The following NLGN1 variants were observed in gnomAD, a reference collection of about 807,000 sequenced individuals.
The protein encoded by NLGN1 is neuroligin 1.
Under a neutral mutation model 65.5 loss-of-function variants are expected in NLGN1, and 12 were observed. The ratio of observed to expected loss-of-function variants is 0.18; its 90% confidence interval spans 0.12 to 0.30. The LOEUF is 0.30. NLGN1 is among the 10% of genes least tolerant of loss of function. NLGN1 has a pLI of 1.00. For synonymous variants in NLGN1, 350 were observed against 359.5 expected (o/e 0.97, Z 0.30); for missense variants, 750 against 1,007.1 (o/e 0.74, Z 3.46).
At chr3:173,721,952 A>AG (rs1277884399) in intron 3 of NLGN1, among the ~76,000 whole-genome samples, 1 of 151,254 alleles carries the variant, frequency 6.6e-6, no homozygotes, top group Non-Finnish European at 1.5e-5. Context: ...TAAAAAAAAA[A>AG]AGGGACCCCA....
chr3:173,761,381 G>A (rs532193440), intron 3 of NLGN1, among the ~76,000 whole-genome samples: 1 of 152,096 alleles, frequency 6.6e-6, no homozygotes, highest in South Asian at 2.1e-4. Flanking sequence ...GATTAGATAA[G>A]CTGCGTTTAG....
chr3:173,666,335 G>A (rs1005366337), intron 3 of NLGN1, among the ~76,000 whole-genome samples: 2 of 152,002 alleles, frequency 1.3e-5, no homozygotes, highest in African/African-American at 4.8e-5. Context: ...GGATACAATC[G>A]ATGTAATTCT....
At chr3:173,447,246 G>T (rs557988899) in intron 2 of NLGN1, among the ~76,000 whole-genome samples, 1 of 152,256 alleles carries the variant, frequency 6.6e-6, no homozygotes, top group East Asian at 1.9e-4. Context: ...TTTGTATAAG[G>T]TGTAAGGAAG....
At chr3:173,838,449 A>G (rs962490943) in intron 4 of NLGN1, among the ~76,000 whole-genome samples, 8 of 152,158 alleles carry the variant, frequency 5.3e-5, no homozygotes, top group African/African-American at 1.4e-4. Flanking sequence ...TTACTGATTT[A>G]GGTTACCATT....
rs141095727 is a variant in NLGN1 at position 173,415,943 on chromosome 3, A to AGAGAGCGAGAGC, written c.-390+17457_-390+17458insAGAGCGAGAGCG. On this transcript the variant is annotated intron_variant, in intron 1 of 6. Transcript: ENST00000457714. ...GGGAGAGAGAGAGAGAGAGAGAGAGAGCTTGGTATAGAGCCTAACACACAA... is the reference window on the plus strand; with the variant it reads ...GGGAGAGAGAGAGAGAGAGAGAGAGAGAGAGCGAGAGCGCTTGGTATAGAGCCTAACACACAA... Among the ~76,000 whole-genome samples the AGAGAGCGAGAGC allele has an allele frequency of 8.8e-4, 126 of 142,824 alleles. 2 individuals carry two copies. The highest frequency in any genetic ancestry group is 3.4e-3 in the African/African-American group (122 of 35,796). 93.7% of individuals were successfully genotyped at this position (142,824 alleles called of 152,430 possible).
intron 3 of NLGN1, among the ~76,000 whole-genome samples, chr3:173,763,699 C>G (rs529536056): frequency 5.7e-4 from 86 of 151,346 alleles, no homozygotes; most frequent in Non-Finnish European, 7.7e-4. Context: ...TTTCTACTAC[C>G]TAGAGCTATA....
At chr3:173,858,298 T>G (rs1271246725) in intron 4 of NLGN1, among the ~76,000 whole-genome samples, 6 of 152,204 alleles carry the variant, frequency 3.9e-5, no homozygotes, top group African/African-American at 1.4e-4. Context: ...TCCTCTGCCT[T>G]GGACTGAGTC....
At chr3:173,443,496 A>T (rs1444580482) in intron 2 of NLGN1, among the ~76,000 whole-genome samples, 1 of 151,908 alleles carries the variant, frequency 6.6e-6, no homozygotes, top group African/African-American at 2.4e-5. Flanking sequence ...TTTTGAAAGC[A>T]TTTAATGAGA....
intron 2 of NLGN1, among the ~76,000 whole-genome samples, chr3:173,514,508 T>G (rs1405544435): frequency 6.6e-6 from 1 of 152,158 alleles, no homozygotes; most frequent in Non-Finnish European, 1.5e-5. Flanking sequence ...TTAATTATGG[T>G]AAAACCACTT....
At chr3:173,572,134 G>A (rs1027453975) in intron 2 of NLGN1, among the ~76,000 whole-genome samples, 1 of 152,176 alleles carries the variant, frequency 6.6e-6, no homozygotes, top group African/African-American at 2.4e-5. Flanking sequence ...ATTCTACAGA[G>A]TCTAAAACAT....
chr3:174,129,150 C>G (rs1719587263), intron 4 of NLGN1, among the ~76,000 whole-genome samples: 1 of 152,006 alleles, frequency 6.6e-6, no homozygotes, highest in Non-Finnish European at 1.5e-5. Context: ...TTACCAAACC[C>G]TCATTTGGTT....
At chr3:174,026,166 A>C (rs1728788433) in intron 4 of NLGN1, among the ~76,000 whole-genome samples, 2 of 152,064 alleles carry the variant, frequency 1.3e-5, no homozygotes, top group Admixed American at 6.5e-5. Context: ...TCTCTCTGTC[A>C]TCCAGGCTGG....
chr3:173,896,330 T>G (rs551868921), intron 4 of NLGN1, among the ~76,000 whole-genome samples: 1 of 152,330 alleles, frequency 6.6e-6, no homozygotes, highest in Non-Finnish European at 1.5e-5. Context: ...ACCGTCCAGC[T>G]GATCCTTCTG....
At chr3:173,606,395 C>T (rs1751417628) in intron 3 of NLGN1, among the ~76,000 whole-genome samples, 1 of 152,028 alleles carries the variant, frequency 6.6e-6, no homozygotes, top group Non-Finnish European at 1.5e-5. Context: ...CAGTAAATCA[C>T]TCATAGGAGA....
chr3:173,475,689 T>C (rs73038162), intron 2 of NLGN1, among the ~76,000 whole-genome samples: 2,371 of 152,312 alleles, frequency 0.016, 76 homozygotes, highest in African/African-American at 0.053. Context: ...AATTAATGAC[T>C]GATCACTTAT....
chr3:173,539,804 A>ATGTACATATATACATATATG (rs1434583690), intron 2 of NLGN1, among the ~76,000 whole-genome samples: 2 of 117,640 alleles, frequency 1.7e-5, no homozygotes, highest in African/African-American at 7.7e-5. Context: ...ATACATATAT[A>ATGTACATATATACATATATG]TACATATATA....
At chr3:173,436,868 A>G (rs1005793909) in intron 2 of NLGN1, among the ~76,000 whole-genome samples, 1 of 152,138 alleles carries the variant, frequency 6.6e-6, no homozygotes, top group African/African-American at 2.4e-5. Flanking sequence ...GCCTTTTTCT[A>G]TGCCTCCAGC....
At chr3:173,571,676 G>A (rs1436462889) in intron 2 of NLGN1, among the ~76,000 whole-genome samples, 1 of 152,204 alleles carries the variant, frequency 6.6e-6, no homozygotes, top group African/African-American at 2.4e-5. Flanking sequence ...TTAAGAGCAT[G>A]CATTAGGCTG....
chr3:174,162,223 A>G (rs1726684582), intron 4 of NLGN1, among the ~76,000 whole-genome samples: 1 of 151,454 alleles, frequency 6.6e-6, no homozygotes, highest in Non-Finnish European at 1.5e-5. Flanking sequence ...AGAATTAAAA[A>G]CTCTCATATT....
Sources: gnomAD v4.1 joint callset for allele counts (sites outside exome capture counted in the v4.1 genomes callset) on GRCh38, gnomAD v4.1.1 for gene constraint, MANE v1.5 for transcripts, NCBI Gene and HGNC (gene_info 2026-07-23, HGNC 2026-07-21) for gene names.